The following IKZF2 variants were observed in gnomAD, a reference collection of about 807,000 sequenced individuals.
IKZF2 encodes the protein IKAROS family zinc finger 2, also known as zinc finger protein Helios.
In IKZF2, 15 loss-of-function variants were observed where a neutral mutation model predicts 49.2. The observed-to-expected ratio is 0.30, with a 90% CI of 0.20 to 0.47. The LOEUF is 0.47. IKZF2 is among the 20% of genes least tolerant of loss of function. The pLI is 1.00. For missense variants in IKZF2, 567 were observed against 664.6 expected (o/e 0.85, Z 1.61); for synonymous variants, 227 against 221.4 (o/e 1.03, Z -0.23).
At chr2:213,106,406 C>T (rs1342642606) in intron 4 of IKZF2, among the ~76,000 whole-genome samples, 2 of 151,632 alleles carry the variant, frequency 1.3e-5, no homozygotes, top group Admixed American at 1.3e-4. Flanking sequence ...TGGGAGGCCG[C>T]GGCTGGAGAA....
At position 213,008,006 on chromosome 2, in the gene IKZF2, A is replaced by G; in HGVS notation, c.935T>C (p.Met312Thr). The G allele has an allele frequency of 6.2e-7, 1 of 1,613,444 alleles. No individual in the cohort carries two copies. ...GGCTTGGTCCATCATATGAGACTGC[A>G]TCAGCTCAGCCTCCTTCTCATATGT... ...NLTYEKEAEL[M>T]QSHMMDQAIN... Residue 312 changes from methionine (M) to threonine (T), a missense_variant, in exon 9 of 9, where the codon ATG (methionine) becomes ACG (threonine). By Grantham distance (81) the Met-to-Thr change is moderately conservative (BLOSUM62 -1). Around this residue, in one of 5 missense-constraint regions of IKZF2, gnomAD observed 310 missense variants for 326.9 expected, o/e 0.95. Coordinates refer to ENST00000434687, the MANE Select transcript of IKZF2 (RefSeq NM_001387220.1).
intron 4 of IKZF2, among the ~76,000 whole-genome samples, chr2:213,058,027 A>C (rs10189035): frequency 0.077 from 11,657 of 152,168 alleles, 1,082 homozygotes; most frequent in African/African-American, 0.22. Flanking sequence ...TAATATAGAA[A>C]ATTTCTTAAG....
upstream of IKZF2, chr2:213,151,997 CG>C (rs2061297643): frequency 6.6e-6 from 1 of 151,924 alleles, no homozygotes; most frequent in Non-Finnish European, 1.5e-5. Flanking sequence ...CCCGCGCGCC[CG>C]GCCGCGTCGC....
In IKZF2 at chr2:213,066,764, G is replaced by C. The variant is rs552472908; in HGVS notation, c.140-9665C>G. Among the ~76,000 whole-genome samples the C allele has an allele frequency of 3.3e-5, 5 of 152,092 alleles. No homozygotes were observed. In the East Asian group the frequency reaches 9.7e-4, roughly 29 times the overall value. Reference sequence around the variant, plus strand: ...ACCTAGTTTTCTACTCCTAATGAATGAATGAGCATTTTAAGTAGGATTACA... The same window carrying C: ...ACCTAGTTTTCTACTCCTAATGAATCAATGAGCATTTTAAGTAGGATTACA... On this transcript the variant is annotated intron_variant, in intron 4 of 8. Transcript: ENST00000434687.
chr2:213,070,375 A>G (rs1307899060), intron 4 of IKZF2, among the ~76,000 whole-genome samples: 1 of 152,120 alleles, frequency 6.6e-6, no homozygotes, highest in Non-Finnish European at 1.5e-5. Flanking sequence ...GCTTTTACAG[A>G]TAGAAAACTT....
rs143610821 is a variant in IKZF2, at chr2:213,045,855, A to G, written c.574+3858T>C. On this transcript the variant is annotated intron_variant, in intron 6 of 8. Transcript: ENST00000434687. ...TTGGGTATACTTCTGTGGTGCATAT[A>G]CTAGGTAATCCACAGGCTGTCCATT... Among the ~76,000 whole-genome samples, 757 of 152,314 alleles carry G rather than the reference A, an allele frequency of 5.0e-3. 5 individuals carry two copies. Among genetic ancestry groups the G allele is most frequent in the African/African-American group, 0.017 (699 of 41,580 alleles).
intron 6 of IKZF2, among the ~76,000 whole-genome samples, chr2:213,045,745 T>C (rs533329214): frequency 2.6e-5 from 4 of 152,262 alleles, no homozygotes; most frequent in Non-Finnish European, 4.4e-5. Context: ...AAGTGAGAAA[T>C]TGCTGCACCC....
intron 4 of IKZF2, among the ~76,000 whole-genome samples, chr2:213,119,208 G>C (rs2059971080): frequency 2.6e-5 from 4 of 152,074 alleles, no homozygotes; most frequent in South Asian, 2.1e-4. Flanking sequence ...TTTGCAAATG[G>C]AAGTGCTAAG....
intron 6 of IKZF2, among the ~76,000 whole-genome samples, chr2:213,038,988 T>G (rs1447315089): frequency 6.6e-6 from 1 of 151,876 alleles, no homozygotes; most frequent in Non-Finnish European, 1.5e-5. Context: ...TCCATCTTGA[T>G]CCAAGCCACA....
chr2:213,085,852 C>T (rs559570317), intron 4 of IKZF2, among the ~76,000 whole-genome samples: 67 of 152,258 alleles, frequency 4.4e-4, no homozygotes, highest in Non-Finnish European at 7.2e-4. Flanking sequence ...AGGTTGCAGC[C>T]TTGTTAATGA....
intron 4 of IKZF2, among the ~76,000 whole-genome samples, chr2:213,060,811 T>C (rs984911285): frequency 2.0e-5 from 3 of 151,598 alleles, no homozygotes; most frequent in Admixed American, 6.6e-5. Context: ...AGCATTTATA[T>C]TTATAACTGT....
chr2:213,103,717 G>T (rs529471909), intron 4 of IKZF2, among the ~76,000 whole-genome samples: 6 of 152,224 alleles, frequency 3.9e-5, no homozygotes, highest in African/African-American at 1.4e-4. Flanking sequence ...TTTGAAGATA[G>T]TTTAAATTAC....
intron 4 of IKZF2, among the ~76,000 whole-genome samples, chr2:213,141,719 G>C (rs1385768030): frequency 6.6e-6 from 1 of 151,872 alleles, no homozygotes; most frequent in African/African-American, 2.4e-5. Context: ...GCTTACTACA[G>C]TAAAATGCCC....
intron 6 of IKZF2, among the ~76,000 whole-genome samples, chr2:213,045,907 G>C (rs1700106384): frequency 6.6e-6 from 1 of 152,094 alleles, no homozygotes; most frequent in African/African-American, 2.4e-5. Flanking sequence ...GCAAGAAAAG[G>C]ATCTACATCA....
At chr2:213,094,829 G>A (rs945481501) in intron 4 of IKZF2, among the ~76,000 whole-genome samples, 10 of 151,998 alleles carry the variant, frequency 6.6e-5, no homozygotes, top group African/African-American at 2.2e-4. Flanking sequence ...AAATCTTAAC[G>A]GAAAAAGAAC....
chr2:213,088,468 A>G (rs1005157568), intron 4 of IKZF2, among the ~76,000 whole-genome samples: 7 of 152,186 alleles, frequency 4.6e-5, no homozygotes, highest in African/African-American at 1.7e-4. Flanking sequence ...CTTTAAAAAT[A>G]ATTTTCCTGG....
At chr2:213,123,111 G>A (rs1384815097) in intron 4 of IKZF2, among the ~76,000 whole-genome samples, 1 of 152,188 alleles carries the variant, frequency 6.6e-6, no homozygotes, top group Non-Finnish European at 1.5e-5. Flanking sequence ...AGGAAGAAAT[G>A]TGGATGCCTA....
chr2:213,070,167 T>C (rs563146318), intron 4 of IKZF2, among the ~76,000 whole-genome samples: 1 of 152,206 alleles, frequency 6.6e-6, no homozygotes, highest in African/African-American at 2.4e-5. Context: ...ACACAAGAAT[T>C]ATCAGTTTAC....
intron 4 of IKZF2, among the ~76,000 whole-genome samples, chr2:213,127,618 C>T (rs2060309635): frequency 6.6e-6 from 1 of 152,138 alleles, no homozygotes; most frequent in Admixed American, 6.6e-5. Context: ...ATAGTTCATC[C>T]CATTCTGAAC....
Sources: gnomAD v4.1 joint callset for allele counts (sites outside exome capture counted in the v4.1 genomes callset) on GRCh38, gnomAD v4.1.1 for gene constraint, gnomAD v4.1.1 regional missense constraint, MANE v1.5 for transcripts, NCBI Gene and HGNC (gene_info 2026-07-23, HGNC 2026-07-21) for gene names.